KIZ: variants seen among roughly 807,000 people sequenced by gnomAD.
KIZ encodes the protein kizuna centrosomal protein.
KIZ carries 68 observed loss-of-function variants against 79.6 expected under a neutral mutation model. The ratio of observed to expected loss-of-function variants is 0.85; its 90% CI spans 0.70 to 1.05. The LOEUF is 1.05. Among genes scored for constraint, KIZ ranks in the 50% least tolerant of loss-of-function variants. KIZ has a pLI of 0.00. For synonymous variants in KIZ, 280 were observed against 281.8 expected (o/e 0.99, Z 0.06); for missense variants, 797 against 800.4 (o/e 1.00, Z 0.05).
intron 11 of KIZ, among the ~76,000 whole-genome samples, chr20:21,242,275 G>A (rs1300918460): frequency 6.6e-6 from 1 of 152,200 alleles, no homozygotes; most frequent in Admixed American, 6.5e-5. Flanking sequence ...CACTCCTGGG[G>A]GATCCACCTT....
chr20:21,180,887 G>T (rs1242321300), intron 6 of KIZ, among the ~76,000 whole-genome samples: 1 of 152,128 alleles, frequency 6.6e-6, no homozygotes, highest in African/African-American at 2.4e-5. Flanking sequence ...TTCAAGCTGA[G>T]GCCCCAGACA....
intron 6 of KIZ, among the ~76,000 whole-genome samples, chr20:21,167,446 C>G (rs956996636): frequency 3.9e-5 from 6 of 152,022 alleles, no homozygotes; most frequent in African/African-American, 1.4e-4. Flanking sequence ...TTTTCACACT[C>G]AGGTAAGCAG....
At chr20:21,185,504 G>C (rs958266445) in intron 6 of KIZ, among the ~76,000 whole-genome samples, 3 of 150,380 alleles carry the variant, frequency 2.0e-5, no homozygotes, top group Non-Finnish European at 4.4e-5. Flanking sequence ...CTGCCTCCTG[G>C]GTTCAAGCGA....
intron 11 of KIZ, among the ~76,000 whole-genome samples, chr20:21,237,301 C>CAA (rs72536116): frequency 5.1e-4 from 30 of 58,458 alleles, no homozygotes; most frequent in South Asian, 1.6e-3. Context: ...AACTCCGTCT[C>CAA]AAAAAAAAAA....
At chr20:21,155,752 T>G in intron 4 of KIZ, among the ~76,000 whole-genome samples, 1 of 152,388 alleles carries the variant, frequency 6.6e-6, no homozygotes, top group Admixed American at 6.5e-5. Context: ...ATTTTTGTTA[T>G]GACATAGTCT....
intron 7 of KIZ, 56 bp from the exon 8 acceptor site, chr20:21,214,478 GA>G (rs2036203833): frequency 7.0e-6 from 9 of 1,278,038 alleles, no homozygotes; most frequent in African/African-American, 1.5e-5. Flanking sequence ...TTGAGACCAA[GA>G]GGAATGTGGC....
chr20:21,160,426 T>C (rs2033599735), intron 4 of KIZ, among the ~76,000 whole-genome samples: 1 of 152,136 alleles, frequency 6.6e-6, no homozygotes. Flanking sequence ...TTGGCTCATG[T>C]GTCCTTCCCC....
intron 4 of KIZ, among the ~76,000 whole-genome samples, chr20:21,152,653 A>G (rs936136891): frequency 6.6e-6 from 1 of 152,210 alleles, no homozygotes; most frequent in Non-Finnish European, 1.5e-5. Context: ...CTTGAAAACC[A>G]TAACTTAACT....
intron 6 of KIZ, among the ~76,000 whole-genome samples, chr20:21,173,346 G>A (rs2034296683): frequency 6.6e-6 from 1 of 152,148 alleles, no homozygotes; most frequent in African/African-American, 2.4e-5. Flanking sequence ...GGGAGGCCAA[G>A]ATGGGTTGAT....
chr20:21,182,377 A>G (rs934228814), intron 6 of KIZ, among the ~76,000 whole-genome samples: 1 of 152,202 alleles, frequency 6.6e-6, no homozygotes, highest in Non-Finnish European at 1.5e-5. Context: ...GAAGCAAGGA[A>G]AGTATTCAAT....
intron 3 of KIZ, among the ~76,000 whole-genome samples, chr20:21,138,186 T>C (rs932642164): frequency 2.0e-5 from 3 of 152,244 alleles, no homozygotes; most frequent in African/African-American, 7.2e-5. Flanking sequence ...TGTTATTGAT[T>C]ATTGTGCCTT....
intron 1 of KIZ, among the ~76,000 whole-genome samples, chr20:21,126,578 C>G (rs753765458): frequency 4.6e-5 from 7 of 152,200 alleles, no homozygotes; most frequent in Non-Finnish European, 8.8e-5. Flanking sequence ...CCTCCCCACT[C>G]TCTTCAAATT....
At chr20:21,238,352 A>AGAGT (rs145637920) in intron 11 of KIZ, among the ~76,000 whole-genome samples, 2 of 149,138 alleles carry the variant, frequency 1.3e-5, no homozygotes, top group African/African-American at 4.9e-5. Context: ...AGAGAGAGAG[A>AGAGT]GTGTGTGTGT....
At chr20:21,153,361 C>T (rs1241530228) in intron 4 of KIZ, among the ~76,000 whole-genome samples, 2 of 152,082 alleles carry the variant, frequency 1.3e-5, no homozygotes, top group African/African-American at 4.8e-5. Flanking sequence ...GAGGTAATAG[C>T]ACTTGATGGT....
intron 6 of KIZ, among the ~76,000 whole-genome samples, chr20:21,202,856 T>C (rs1433299085): frequency 1.3e-5 from 2 of 152,200 alleles, no homozygotes; most frequent in Non-Finnish European, 2.9e-5. Context: ...TTGACATTTT[T>C]AAACATTCGA....
chr20:21,212,590 A>G (rs926506942), intron 7 of KIZ, among the ~76,000 whole-genome samples: 6 of 152,162 alleles, frequency 3.9e-5, no homozygotes, highest in Non-Finnish European at 1.5e-5. Context: ...AATTTTTTCA[A>G]TTTGTGGGTT....
In KIZ at chr20:21,147,961, TTGTGTG is replaced by T. The variant is rs61333547; in HGVS notation, c.405+2336_405+2341del. 9.5e-3 allele frequency among the ~76,000 whole-genome samples: 1,342 copies of T among 141,130 alleles called. 14 individuals are homozygous for T. The highest frequency in any genetic ancestry group is 0.033 in the African/African-American group (1,275 of 38,194). 92.6% of individuals were successfully genotyped at this position (141,130 alleles called of 152,430 possible). On this transcript the variant is annotated intron_variant, in intron 4 of 12. Coordinates refer to ENST00000619189, the MANE Select transcript of KIZ (RefSeq NM_018474.6). Reference sequence around the variant, plus strand: ...AAGAACTGAGATTTCCTCCTGGAATTTGTGTGTGTGTGTGTGTGTGTGTGTGTGTGT... The same window carrying T: ...AAGAACTGAGATTTCCTCCTGGAATTTGTGTGTGTGTGTGTGTGTGTGTGT...
Position 21,136,602 on chromosome 20 carries a change from T to G in KIZ, c.315+50T>G, listed in dbSNP as rs778821741. 17 of 1,317,814 alleles carry G rather than the reference T, an allele frequency of 1.3e-5. No homozygotes were observed. The South Asian group carries it at 2.3e-4, about 18-fold the overall frequency. 81.6% of individuals were successfully genotyped at this position (1,317,814 alleles called of 1,614,324 possible). A position where few individuals can be genotyped will look rare whatever the true frequency, so the allele number is the denominator to read the frequency against. On this transcript the variant is annotated intron_variant, in intron 3 of 12. Coordinates refer to ENST00000619189, the MANE Select transcript of KIZ (RefSeq NM_018474.6). ...TTTATTTTATTTGTTGTTGTGTGTT[T>G]TTTTTTTTTTCTTCAAGATGAGACC...
intron 12 of KIZ, chr20:21,245,390 T>C (rs2037354004): frequency 6.6e-6 from 1 of 152,214 alleles, no homozygotes; most frequent in Non-Finnish European, 1.5e-5. Context: ...ACTCCCAGCT[T>C]GGCCACTCAC....
Sources: allele counts gnomAD v4.1 joint callset (sites outside exome capture counted in the v4.1 genomes callset), GRCh38; gene constraint gnomAD v4.1.1; transcripts MANE v1.5; gene names NCBI Gene and HGNC (gene_info 2026-07-23, HGNC 2026-07-21).